The following KCNJ3 variants were observed in gnomAD, a reference collection of about 807,000 sequenced individuals.
KCNJ3 encodes potassium inwardly rectifying channel subfamily J member 3.
In KCNJ3, 4 loss-of-function variants were observed where a neutral mutation model predicts 39.2. The observed-to-expected ratio is 0.10, with a 90% CI of 0.05 to 0.23. KCNJ3 has a LOEUF of 0.23. KCNJ3 is among the 10% of genes least tolerant of loss of function. The probability of loss-of-function intolerance (pLI) is 1.00; values close to 1 mark genes in which losing one functional copy is unlikely to be tolerated. For missense variants in KCNJ3, 276 were observed against 634.9 expected (o/e 0.43, Z 6.08); for synonymous variants, 230 against 237.4 (o/e 0.97, Z 0.29).
chr2:154,810,077 C>A (rs996657235), intron 2 of KCNJ3, among the ~76,000 whole-genome samples: 1 of 151,962 alleles, frequency 6.6e-6, no homozygotes, highest in Non-Finnish European at 1.5e-5. Context: ...CTCTCTTTCT[C>A]TCTCTCTCTC....
chr2:154,835,339 T>TCTA (rs75955284), intron 2 of KCNJ3, among the ~76,000 whole-genome samples: 30,293 of 148,928 alleles, frequency 0.2, 3,452 homozygotes, highest in East Asian at 0.41. Context: ...TAAATTATTT[T>TCTA]CTTTTTTTTG....
Position 154,855,375 on chromosome 2 carries a change from G to C in KCNJ3, c.*62G>C. The C allele has an allele frequency of 9.0e-7, 1 of 1,109,994 alleles. No homozygotes were observed. Among genetic ancestry groups the C allele is most frequent in the African/African-American group, 1.6e-5 (1 of 63,212 alleles). The allele number at this position is 1,109,994 out of a possible 1,614,324, so 68.8% of individuals were successfully genotyped here. A position where few individuals can be genotyped will look rare whatever the true frequency, so the allele number is the denominator to read the frequency against. On this transcript the variant is annotated 3_prime_UTR_variant, in exon 3 of 3. Coordinates refer to ENST00000295101, the MANE Select transcript of KCNJ3 (RefSeq NM_002239.4). ...TAGTAATAGTCCAATATTTGGCGAT[G>C]AGGTAATTCTCCCTAAGGAATCTGA...
chr2:154,852,685 T>C (rs1177083173), intron 2 of KCNJ3, among the ~76,000 whole-genome samples: 1 of 152,158 alleles, frequency 6.6e-6, no homozygotes, highest in Non-Finnish European at 1.5e-5. Flanking sequence ...ATACATTTTT[T>C]ATTTTTCCTG....
chr2:154,848,376 C>T (rs1687697286), intron 2 of KCNJ3, among the ~76,000 whole-genome samples: 1 of 151,900 alleles, frequency 6.6e-6, no homozygotes, highest in African/African-American at 2.4e-5. Context: ...ATATATAAAA[C>T]CTATATAGCA....
At chr2:154,778,443 T>C (rs1330749801) in intron 2 of KCNJ3, among the ~76,000 whole-genome samples, 2 of 152,158 alleles carry the variant, frequency 1.3e-5, no homozygotes, top group African/African-American at 2.4e-5. Flanking sequence ...CATATGGTAA[T>C]TTCTGTCTAG....
chr2:154,832,363 T>G (rs1687378974), intron 2 of KCNJ3, among the ~76,000 whole-genome samples: 1 of 152,124 alleles, frequency 6.6e-6, no homozygotes, highest in Admixed American at 6.6e-5. Context: ...CTCTGGCCAG[T>G]TGAAGTTTTG....
intron 2 of KCNJ3, among the ~76,000 whole-genome samples, chr2:154,828,319 T>C (rs1311169070): frequency 1.3e-5 from 2 of 152,138 alleles, no homozygotes; most frequent in Non-Finnish European, 2.9e-5. Context: ...GCTTTAGATA[T>C]CCTACTGGGG....
chr2:154,845,688 A>C (rs1687652121), intron 2 of KCNJ3, among the ~76,000 whole-genome samples: 1 of 152,064 alleles, frequency 6.6e-6, no homozygotes, highest in Non-Finnish European at 1.5e-5. Context: ...AAGTGAATTT[A>C]GGCCAGGTAC....
intron 2 of KCNJ3, among the ~76,000 whole-genome samples, chr2:154,833,524 A>G (rs781561277): frequency 6.6e-6 from 1 of 152,160 alleles, no homozygotes; most frequent in Non-Finnish European, 1.5e-5. Flanking sequence ...GTTATAATCA[A>G]TGAACCACAC....
intron 2 of KCNJ3, among the ~76,000 whole-genome samples, chr2:154,774,342 G>T (rs1238737396): frequency 2.6e-5 from 4 of 151,878 alleles, no homozygotes; most frequent in Non-Finnish European, 5.9e-5. Flanking sequence ...ACAGCACTTG[G>T]ATAAAGAAAG....
intron 2 of KCNJ3, among the ~76,000 whole-genome samples, chr2:154,841,085 CTTA>C (rs1273155623): frequency 6.6e-6 from 1 of 152,050 alleles, no homozygotes; most frequent in African/African-American, 2.4e-5. Context: ...ATAAATAGCT[CTTA>C]TTATTTCAAG....
At chr2:154,768,477 G>T (rs1167431882) in intron 2 of KCNJ3, among the ~76,000 whole-genome samples, 1 of 152,140 alleles carries the variant, frequency 6.6e-6, no homozygotes, top group South Asian at 2.1e-4. Context: ...TGTCAGGTTT[G>T]TCAAAGATCA....
intron 2 of KCNJ3, among the ~76,000 whole-genome samples, chr2:154,718,719 T>C (rs1422230931): frequency 6.6e-6 from 1 of 152,238 alleles, no homozygotes; most frequent in Admixed American, 6.5e-5. Context: ...CGTTATTTTC[T>C]GTATGGTTTT....
At chr2:154,798,775 C>A (rs1444722328) in intron 2 of KCNJ3, among the ~76,000 whole-genome samples, 1 of 152,200 alleles carries the variant, frequency 6.6e-6, no homozygotes, top group African/African-American at 2.4e-5. Flanking sequence ...AAATTACCTT[C>A]TTTTAAAAGG....
rs183493050 is a variant in KCNJ3 at position 154,713,084 on chromosome 2, G to C, written c.919+3265G>C. The stretch of plus-strand genomic sequence containing the variant: ...GGTGAGAAGTCAGAGAGGAGGAAGG[G>C]CCTATCTGCATTCTAGATGGTTTTA... On this transcript the variant is annotated intron_variant, in intron 2 of 2. Coordinates refer to ENST00000295101, the MANE Select transcript of KCNJ3 (RefSeq NM_002239.4). 6.3e-4 allele frequency among the ~76,000 whole-genome samples: 96 copies of C among 151,938 alleles called. 2 individuals carry two copies. Among genetic ancestry groups the C allele is most frequent in the Non-Finnish European group, 2.1e-4 (14 of 67,980 alleles).
At chr2:154,722,544 T>G (rs533263331) in intron 2 of KCNJ3, among the ~76,000 whole-genome samples, 2 of 152,342 alleles carry the variant, frequency 1.3e-5, no homozygotes, top group South Asian at 4.1e-4. Context: ...AGAGTGTGTG[T>G]GAGCTAAGTG....
At chr2:154,722,224 C>T (rs1432482626) in intron 2 of KCNJ3, among the ~76,000 whole-genome samples, 1 of 152,020 alleles carries the variant, frequency 6.6e-6, no homozygotes, top group Non-Finnish European at 1.5e-5. Context: ...GTATCAAGCA[C>T]TGTGCCAGAC....
rs375074561 is a variant in KCNJ3, at chr2:154,713,682, T to A, written c.919+3863T>A. Among the ~76,000 whole-genome samples the A allele has an allele frequency of 3.3e-5, 5 of 152,230 alleles. No homozygotes were observed. The East Asian group carries it at 5.8e-4, about 18-fold the overall frequency. ...TGCCTCTTCATTAATAAGCTTTACA[T>A]CTTTGCTCATCTAGCAAATTTCAAA... On this transcript the variant is annotated intron_variant, in intron 2 of 2. Coordinates refer to ENST00000295101, the MANE Select transcript of KCNJ3 (RefSeq NM_002239.4).
At chr2:154,752,981 A>G (rs1685872664) in intron 2 of KCNJ3, among the ~76,000 whole-genome samples, 1 of 152,090 alleles carries the variant, frequency 6.6e-6, no homozygotes, top group Admixed American at 6.5e-5. Context: ...TAAAAATTAT[A>G]TTGATCAATC....
Sources: allele counts gnomAD v4.1 joint callset (sites outside exome capture counted in the v4.1 genomes callset), GRCh38; gene constraint gnomAD v4.1.1; transcripts MANE v1.5; gene names NCBI Gene and HGNC (gene_info 2026-07-23, HGNC 2026-07-21).